The following GPR158 variants were observed in gnomAD, a reference collection of about 807,000 sequenced individuals.
GPR158 encodes metabotropic glycine receptor.
Under a neutral mutation model 78.2 loss-of-function variants are expected in GPR158, and 30 were observed. The ratio of observed to expected loss-of-function variants is 0.38; its 90% CI spans 0.29 to 0.52. GPR158 has a LOEUF of 0.52. Among genes scored for constraint, GPR158 ranks in the 20% least tolerant of loss-of-function variants. The pLI, the probability that GPR158 is intolerant of heterozygous loss-of-function variation, is 0.83. For missense variants in GPR158, 1,463 were observed against 1,523.5 expected, an observed-to-expected ratio of 0.96 and a Z score of 0.66; for synonymous variants, 581 against 591.1, an observed-to-expected ratio of 0.98 and a Z score of 0.25.
chr10:25,250,684 G>C (rs1853782336), intron 2 of GPR158, among the ~76,000 whole-genome samples: 1 of 147,700 alleles, frequency 6.8e-6, no homozygotes. Flanking sequence ...GAGATAGTTT[G>C]TTATAATTTC....
intron 3 of GPR158, among the ~76,000 whole-genome samples, chr10:25,409,066 G>A (rs911543723): frequency 6.6e-6 from 1 of 152,138 alleles, no homozygotes; most frequent in African/African-American, 2.4e-5. Flanking sequence ...AGAAGTCCCT[G>A]GAGGATAGAG....
At chr10:25,341,103 A>G (rs1216538224) in intron 2 of GPR158, among the ~76,000 whole-genome samples, 2 of 152,042 alleles carry the variant, frequency 1.3e-5, no homozygotes, top group East Asian at 3.9e-4. Flanking sequence ...TGAATGTTAT[A>G]TCTTTCATAA....
chr10:25,218,307 G>A (rs1198089396), intron 1 of GPR158, among the ~76,000 whole-genome samples: 2 of 152,104 alleles, frequency 1.3e-5, no homozygotes, highest in East Asian at 1.9e-4. Flanking sequence ...TTCACGGGCC[G>A]GGCTTGAGGT....
intron 6 of GPR158, among the ~76,000 whole-genome samples, chr10:25,570,910 A>G (rs1032167216): frequency 6.6e-6 from 1 of 151,930 alleles, no homozygotes; most frequent in Non-Finnish European, 1.5e-5. Flanking sequence ...ACAAAGTGAG[A>G]CTCCATCTTA....
At chr10:25,585,640 G>T (rs1837256723) in intron 7 of GPR158, among the ~76,000 whole-genome samples, 1 of 152,232 alleles carries the variant, frequency 6.6e-6, no homozygotes, top group South Asian at 2.1e-4. Context: ...CACTAGAAAT[G>T]AGAGCAATAG....
chr10:25,322,041 T>C (rs1486755992), intron 2 of GPR158, among the ~76,000 whole-genome samples: 1 of 152,156 alleles, frequency 6.6e-6, no homozygotes, highest in East Asian at 1.9e-4. Flanking sequence ...CAAATTTGAG[T>C]ATATTCAGAC....
rs75685168 is a variant in GPR158, at chr10:25,408,710, C to T, written c.1112-3540C>T. On this transcript the variant is annotated intron_variant, in intron 3 of 10. Coordinates refer to ENST00000376351, the MANE Select transcript of GPR158 (RefSeq NM_020752.3). The stretch of plus-strand genomic sequence containing the variant: ...TTTTTGACTTGTGTGCCCTATGATT[C>T]TTCAAGTTTTCCTCTGCAATGGATA... Among the ~76,000 whole-genome samples the T allele has an allele frequency of 2.6e-3, 391 of 152,294 alleles. 8 individuals carry two copies. The East Asian group carries it at 0.03, about 12-fold the overall frequency.
intron 5 of GPR158, among the ~76,000 whole-genome samples, chr10:25,515,205 A>AT: frequency 6.6e-6 from 1 of 151,928 alleles, no homozygotes; most frequent in East Asian, 1.9e-4. Flanking sequence ...TTTTTAAAAA[A>AT]TTTTTTGTCT....
At chr10:25,539,956 GT>G (rs1836554198) in intron 5 of GPR158, among the ~76,000 whole-genome samples, 1 of 152,102 alleles carries the variant, frequency 6.6e-6, no homozygotes, top group African/African-American at 2.4e-5. Flanking sequence ...AAGAATTTTA[GT>G]TTAATTAGAT....
At chr10:25,356,072 G>T (rs540102715) in intron 2 of GPR158, among the ~76,000 whole-genome samples, 1 of 152,082 alleles carries the variant, frequency 6.6e-6, no homozygotes, top group Non-Finnish European at 1.5e-5. Context: ...ACAGAAGATA[G>T]TGGGAAAGCT....
At chr10:25,411,779 C>CA (rs1266983937) in intron 3 of GPR158, among the ~76,000 whole-genome samples, 1 of 151,310 alleles carries the variant, frequency 6.6e-6, no homozygotes, top group African/African-American at 2.4e-5. Flanking sequence ...ACTAAAAATA[C>CA]AAAAAATTAG....
chr10:25,186,550 G>A (rs1298718825), intron 1 of GPR158, among the ~76,000 whole-genome samples: 2 of 152,078 alleles, frequency 1.3e-5, no homozygotes, highest in South Asian at 2.1e-4. Context: ...TATCACCACC[G>A]ACCTCACAGA....
chr10:25,212,842 G>T (rs1473137565), intron 1 of GPR158, among the ~76,000 whole-genome samples: 1 of 152,038 alleles, frequency 6.6e-6, no homozygotes, highest in African/African-American at 2.4e-5. Context: ...ATATTAGCCA[G>T]GCTGGTCTCG....
At chr10:25,585,530 T>G (rs146502880) in intron 7 of GPR158, among the ~76,000 whole-genome samples, 1 of 152,214 alleles carries the variant, frequency 6.6e-6, no homozygotes, top group African/African-American at 2.4e-5. Flanking sequence ...GAAAATTCAA[T>G]GTAGGTTATA....
At chr10:25,389,605 A>G (rs944812507) in intron 2 of GPR158, among the ~76,000 whole-genome samples, 10 of 152,080 alleles carry the variant, frequency 6.6e-5, no homozygotes, top group African/African-American at 2.4e-4. Flanking sequence ...AGAACTTGGG[A>G]CCCGCTGAAT....
intron 1 of GPR158, among the ~76,000 whole-genome samples, chr10:25,195,151 G>GT (rs1852827079): frequency 6.8e-6 from 1 of 146,148 alleles, no homozygotes; most frequent in Admixed American, 6.8e-5. Flanking sequence ...TTTTTATTAT[G>GT]TTAAAAAAAA....
intron 7 of GPR158, among the ~76,000 whole-genome samples, chr10:25,584,837 G>A (rs975457997): frequency 3.3e-5 from 5 of 152,216 alleles, no homozygotes; most frequent in South Asian, 2.1e-4. Context: ...TTATCTGAGC[G>A]AAGATCAATT....
At chr10:25,328,505 A>G (rs1383909738) in intron 2 of GPR158, among the ~76,000 whole-genome samples, 2 of 152,168 alleles carry the variant, frequency 1.3e-5, no homozygotes, top group African/African-American at 4.8e-5. Flanking sequence ...TTTTGTTGGA[A>G]TGTTTCCTTA....
chr10:25,580,733 T>A (rs1057254730), intron 7 of GPR158, among the ~76,000 whole-genome samples: 1 of 152,026 alleles, frequency 6.6e-6, no homozygotes, highest in Non-Finnish European at 1.5e-5. Flanking sequence ...TTTTTATTTT[T>A]AAAAAAATTT....
Sources: allele counts gnomAD v4.1 joint callset (sites outside exome capture counted in the v4.1 genomes callset), GRCh38; gene constraint gnomAD v4.1.1; transcripts MANE v1.5; gene names NCBI Gene and HGNC (gene_info 2026-07-23, HGNC 2026-07-21).